GFPT1: variants seen among roughly 807,000 people sequenced by gnomAD.
The protein encoded by GFPT1 is glutamine--fructose-6-phosphate aminotransferase [isomerizing] 1.
In GFPT1, 40 loss-of-function variants were observed where a neutral mutation model predicts 92.0. The observed-to-expected ratio is 0.43, with a 90% CI of 0.34 to 0.57. The LOEUF is 0.57. GFPT1 is among the 20% of genes least tolerant of loss of function. GFPT1 has a pLI of 0.02. For synonymous variants in GFPT1, 269 were observed against 280.6 expected (o/e 0.96, Z 0.41); for missense variants, 448 against 869.1 (o/e 0.52, Z 6.09).
At position 69,363,555 on chromosome 2, in the gene GFPT1, A is replaced by C. The variant is rs1271391247; in HGVS notation, c.339T>G (p.Asp113Glu). ...AAAATCTTTCCATACCATTATTTTT[A>C]TCAGAGCGCTGGGGGTGGCTATTGA... ...SPVNSHPQRS[D>E]KNNEFIVIHN... The change falls in exon 4 of 20, where the codon GAT becomes GAG. Residue 113 changes from aspartate to glutamate, a missense_variant. This residue lies in a region of GFPT1 where 118 missense variants were observed against 192.9 expected (regional missense o/e 0.61). Coordinates refer to ENST00000357308, the MANE Select transcript of GFPT1 (RefSeq NM_001244710.2). 6.2e-7 allele frequency: 1 copy of C among 1,614,040 alleles called. No homozygotes were observed. The highest frequency in any genetic ancestry group is 8.5e-7 in the Non-Finnish European group (1 of 1,179,988).
intron 3 of GFPT1, among the ~76,000 whole-genome samples, chr2:69,366,998 T>C (rs1671627130): frequency 6.6e-6 from 1 of 152,232 alleles, no homozygotes; most frequent in South Asian, 2.1e-4. Flanking sequence ...CATCTAGTCA[T>C]CTGTGCTTTA....
At chr2:69,327,210 G>T in intron 18 of GFPT1, 135 bp from the exon 19 acceptor site, 1 of 762,838 alleles carries the variant, frequency 1.3e-6, no homozygotes, top group Non-Finnish European at 2.3e-6. Flanking sequence ...TTCCTGTGTA[G>T]TAAATCTGAT....
intron 3 of GFPT1, among the ~76,000 whole-genome samples, chr2:69,368,984 T>C (rs1167515990): frequency 2.0e-5 from 3 of 152,210 alleles, no homozygotes; most frequent in Admixed American, 1.3e-4. Flanking sequence ...CCATTCCCTA[T>C]GTATTCCCAG....
intron 1 of GFPT1, among the ~76,000 whole-genome samples, chr2:69,377,654 C>T (rs767651349): frequency 1.6e-4 from 24 of 152,004 alleles, no homozygotes; most frequent in Non-Finnish European, 3.1e-4. Flanking sequence ...AGCAAGACTC[C>T]GTCTCAAAAA....
rs2104592839 is a variant in GFPT1, at chr2:69,325,507, A to G, written c.*682T>C. On this transcript the variant is annotated 3_prime_UTR_variant, in exon 20 of 20. Coordinates refer to ENST00000357308, the MANE Select transcript of GFPT1 (RefSeq NM_001244710.2). ...GCAGCTTGAATTTAAAGTTTGTGCT[A>G]TAAAATTGTGCAAATATGTTAAGGA... The G allele has an allele frequency of 6.6e-6, 1 of 152,300 alleles. No individual in the cohort carries two copies. Among genetic ancestry groups the G allele is most frequent in the South Asian group, 2.1e-4 (1 of 4,826 alleles). The allele number at this position is 152,300 out of a possible 1,614,324, so 9.4% of individuals were successfully genotyped here. A position where few individuals can be genotyped will look rare whatever the true frequency, so the allele number is the denominator to read the frequency against.
rs4546050 is a variant in GFPT1 at position 69,346,141 on chromosome 2, T to C, written c.1010-142A>G. On this transcript the variant is annotated intron_variant, in intron 11 of 19. Coordinates refer to ENST00000357308, the MANE Select transcript of GFPT1 (RefSeq NM_001244710.2). ...GCAATAGACATGACTGCCTAAAAGA[T>C]TGGGTGAACATATTTTACTCTGTGG... The C allele has an allele frequency of 0.6, 380,597 of 633,782 alleles. 117,349 individuals are homozygous for C. Among genetic ancestry groups the C allele is most frequent in the African/African-American group, 0.86 (46,648 of 54,234 alleles). The allele number at this position is 633,782 out of a possible 1,614,324, so 39.3% of individuals were successfully genotyped here.
chr2:69,332,888 C>G lies in GFPT1; in HGVS notation c.1483-3090G>C, dbSNP rs568125603. On this transcript the variant is annotated intron_variant, in intron 15 of 19. Transcript: ENST00000357308. ...CCTGGCATGATGTGGATGAGACTCC[C>G]TCTATAATAAAATCACAGTCTGGTA... is the stretch of plus-strand genomic sequence containing the variant. Among the ~76,000 whole-genome samples, 143 of 151,502 alleles carry G rather than the reference C, an allele frequency of 9.4e-4. 1 individual carries two copies. Among genetic ancestry groups the G allele is most frequent in the Non-Finnish European group, 1.6e-3 (111 of 67,904 alleles).
At chr2:69,355,353 C>T (rs562871719) in intron 7 of GFPT1, among the ~76,000 whole-genome samples, 29 of 152,088 alleles carry the variant, frequency 1.9e-4, no homozygotes, top group Non-Finnish European at 3.7e-4. Flanking sequence ...GCTGGGATTA[C>T]AGGCATGAGT....
chr2:69,350,295 T>A, intron 9 of GFPT1, 112 bp from the exon 10 acceptor site: 1 of 760,416 alleles, frequency 1.3e-6, no homozygotes. Context: ...CACAAAACAA[T>A]TTTAGCAAAT....
intron 13 of GFPT1, among the ~76,000 whole-genome samples, chr2:69,341,721 G>T (rs561611119): frequency 6.6e-6 from 1 of 151,768 alleles, no homozygotes; most frequent in South Asian, 2.1e-4. Flanking sequence ...AAAAAAAAAA[G>T]CAGACTACCT....
At chr2:69,346,902 T>C (rs1671095656) in intron 11 of GFPT1, among the ~76,000 whole-genome samples, 1 of 147,530 alleles carries the variant, frequency 6.8e-6, no homozygotes, top group South Asian at 2.1e-4. Flanking sequence ...GCTCATAGTT[T>C]TGTTTTGTTT....
intron 13 of GFPT1, 104 bp from the exon 14 acceptor site, chr2:69,338,669 A>G: frequency 9.2e-7 from 1 of 1,087,058 alleles, no homozygotes; most frequent in Non-Finnish European, 1.4e-6. Context: ...GATTACAAAA[A>G]TGACACGTTA....
Position 69,345,971 on chromosome 2 carries a change from T to C in GFPT1, c.1038A>G (p.Glu346=), listed in dbSNP as rs923588022. The C allele has an allele frequency of 1.1e-5, 18 of 1,606,738 alleles. No individual in the cohort carries two copies. The highest frequency in any genetic ancestry group is 1.5e-5 in the Non-Finnish European group (18 of 1,173,256). The change falls in exon 12 of 20, where the codon GAA becomes GAG. Residue 346 remains glutamate (E), a synonymous_variant. Transcript: ENST00000357308. ...CGACAGACTCTGGCTGCTCAAATAT[T>C]TCCTTCTGCATAAATGAACTGAAGT... is the stretch of plus-strand genomic sequence containing the variant. The part of the protein sequence containing the change: ...KGNFSSFMQK[E]IFEQPESVVN...
intron 15 of GFPT1, among the ~76,000 whole-genome samples, chr2:69,334,016 CGTG>C (rs1193502016): frequency 6.6e-6 from 1 of 152,066 alleles, no homozygotes; most frequent in African/African-American, 2.4e-5. Context: ...ATTGGCCAGG[CGTG>C]GTGGCAGTTA....
chr2:69,330,527 C>A (rs1234602521), intron 15 of GFPT1, among the ~76,000 whole-genome samples: 1 of 147,734 alleles, frequency 6.8e-6, no homozygotes, highest in African/African-American at 2.5e-5. Context: ...TGATTTCCAC[C>A]TTTGCCTATT....
chr2:69,365,187 G>A (rs1267807240), intron 3 of GFPT1, among the ~76,000 whole-genome samples: 1 of 151,890 alleles, frequency 6.6e-6, no homozygotes, highest in Non-Finnish European at 1.5e-5. Flanking sequence ...TCTAAATTAA[G>A]AGCAAACTGG....
At chr2:69,350,245 A>G in intron 9 of GFPT1, 62 bp from the exon 10 acceptor site, 1 of 1,022,932 alleles carries the variant, frequency 9.8e-7, no homozygotes, top group Non-Finnish European at 1.5e-6. Flanking sequence ...ATGTAGAAAT[A>G]TGCATAATAT....
intron 4 of GFPT1, among the ~76,000 whole-genome samples, chr2:69,360,311 A>G (rs1243288736): frequency 6.9e-6 from 1 of 145,830 alleles, no homozygotes; most frequent in Non-Finnish European, 1.5e-5. Context: ...CCTGGGCAAC[A>G]GAGTGAGATT....
At chr2:69,385,591 G>T (rs1008219597) in intron 1 of GFPT1, among the ~76,000 whole-genome samples, 9 of 151,218 alleles carry the variant, frequency 6.0e-5, no homozygotes, top group African/African-American at 1.9e-4. Flanking sequence ...CTTGGAACAT[G>T]ATGAAATGAC....
Sources: allele counts gnomAD v4.1 joint callset (sites outside exome capture counted in the v4.1 genomes callset), GRCh38; gene constraint gnomAD v4.1.1; regional missense constraint gnomAD v4.1.1; transcripts MANE v1.5; gene names NCBI Gene and HGNC (gene_info 2026-07-23, HGNC 2026-07-21).